TRAFD1: variants seen among roughly 807,000 people sequenced by gnomAD.
The protein encoded by TRAFD1 is TRAF-type zinc finger domain containing 1.
In TRAFD1, 38 loss-of-function variants were observed where a neutral mutation model predicts 65.3. The observed-to-expected ratio is 0.58, with a 90% CI of 0.45 to 0.76. The LOEUF (loss-of-function observed/expected upper bound fraction) is 0.76. Among genes scored for constraint, TRAFD1 ranks in the 30% least tolerant of loss-of-function variants. The pLI is 0.00. For missense variants in TRAFD1, 631 were observed against 712.6 expected (o/e 0.89, Z 1.30); for synonymous variants, 223 against 257.2 (o/e 0.87, Z 1.27).
chr12:112,143,578 A>G (rs1026222829), intron 6 of TRAFD1, among the ~76,000 whole-genome samples: 3 of 151,704 alleles, frequency 2.0e-5, no homozygotes, highest in Admixed American at 2.0e-4. Flanking sequence ...CTCCGTAGTT[A>G]TTTCTAATCT....
chr12:112,134,167 C>CT (rs2079581912), intron 2 of TRAFD1, among the ~76,000 whole-genome samples: 1 of 151,686 alleles, frequency 6.6e-6, no homozygotes, highest in African/African-American at 2.4e-5. Flanking sequence ...TGTGCCGCCA[C>CT]ACCTGGCTAA....
intron 1 of TRAFD1, among the ~76,000 whole-genome samples, chr12:112,129,543 T>C (rs1237449956): frequency 6.6e-6 from 1 of 152,136 alleles, no homozygotes; most frequent in African/African-American, 2.4e-5. Flanking sequence ...TAGTTACTAG[T>C]ATTGTATTAG....
chr12:112,147,989 G>T, intron 7 of TRAFD1, 85 bp from the exon 8 acceptor site: 2 of 1,285,590 alleles, frequency 1.6e-6, no homozygotes, highest in South Asian at 1.4e-5. Flanking sequence ...AAAATTATAT[G>T]ACTTCTTCTA....
rs186214220 is a variant in TRAFD1, at chr12:112,142,528, G to T, written c.850+233G>T. On this transcript the variant is annotated intron_variant, in intron 6 of 11. Transcript: ENST00000412615. ...CCTTCTGGGTTCAAGTGATTCTCGT[G>T]CCTCTGCCTCCCAAGTAGCTGGGAT... Among the ~76,000 whole-genome samples, 313 of 151,748 alleles carry T rather than the reference G, an allele frequency of 2.1e-3. 2 individuals carry two copies. Among genetic ancestry groups the T allele is most frequent in the African/African-American group, 7.2e-3 (299 of 41,402 alleles).
chr12:112,141,714 C>G (rs1193759957), intron 5 of TRAFD1, among the ~76,000 whole-genome samples: 2 of 152,210 alleles, frequency 1.3e-5, no homozygotes, highest in Admixed American at 1.3e-4. Flanking sequence ...ATTTAATTCT[C>G]TCATTATTTG....
chr12:112,151,919 G>A lies in TRAFD1; in HGVS notation c.1398G>A (p.Ser466=), dbSNP rs368352269. The A allele has an allele frequency of 3.1e-6, 5 of 1,614,136 alleles. No individual in the cohort carries two copies. The highest frequency in any genetic ancestry group is 4.2e-6 in the Non-Finnish European group (5 of 1,180,030). ...NNMTATYNQL[S]RSTSGPRPGC... is the part of the protein sequence containing the mutation. ...TGACAGCTACCTATAACCAGCTATC[G>A]AGATCAACATCAGGCCCCAGACCTG... Residue 466 remains serine (S), a synonymous_variant, in exon 10 of 12, where the codon TCG becomes TCA. Coordinates refer to ENST00000412615, the MANE Select transcript of TRAFD1 (RefSeq NM_006700.3).
chr12:112,150,010 T>C, intron 9 of TRAFD1, 139 bp downstream of exon 9: 1 of 1,233,934 alleles, frequency 8.1e-7, no homozygotes, highest in Non-Finnish European at 1.1e-6. Context: ...CATAGGGGAC[T>C]CCTCTGCAGG....
At chr12:112,131,304 A>G (rs2079565154) in intron 2 of TRAFD1, among the ~76,000 whole-genome samples, 1 of 152,216 alleles carries the variant, frequency 6.6e-6, no homozygotes, top group African/African-American at 2.4e-5. Flanking sequence ...GAAAAGAGAC[A>G]CATTGGTTTT....
At chr12:112,138,757 C>G (rs935950768) in intron 4 of TRAFD1, among the ~76,000 whole-genome samples, 3 of 150,618 alleles carry the variant, frequency 2.0e-5, no homozygotes, top group Non-Finnish European at 2.9e-5. Flanking sequence ...ACTTGGGAGG[C>G]TGAGGCAGGA....
chr12:112,146,060 C>T (rs2030233666), intron 7 of TRAFD1, among the ~76,000 whole-genome samples: 1 of 149,908 alleles, frequency 6.7e-6, no homozygotes, highest in African/African-American at 2.5e-5. Context: ...AGGAGATATA[C>T]CTAATGCTAA....
rs1701215966 is a variant in TRAFD1, at chr12:112,137,967, T to C, written c.238-2852T>C. The stretch of plus-strand genomic sequence containing the variant: ...CCCTTAAAGGTAATTCACAGCGGGC[T>C]ACAGTGACTCATGCCTGTATCCTAG... On this transcript the variant is annotated intron_variant, in intron 4 of 11. Coordinates refer to ENST00000412615, the MANE Select transcript of TRAFD1 (RefSeq NM_006700.3). The surrounding 1 kb of genome is among the most constrained non-coding windows in gnomAD (Gnocchi z 4.2). 6.6e-6 allele frequency among the ~76,000 whole-genome samples: 1 copy of C among 151,830 alleles called. No homozygotes were observed. The highest frequency in any genetic ancestry group is 2.4e-5 in the African/African-American group (1 of 41,328).
Position 112,152,560 on chromosome 12 carries a change from G to A in TRAFD1, c.1692+61G>A, listed in dbSNP as rs2030440105. On this transcript the variant is annotated intron_variant, in intron 11 of 11. Transcript: ENST00000412615. The surrounding 1 kb of genome is among the most constrained non-coding windows in gnomAD (Gnocchi z 5.0). ...GACTCAGACATGGTGGGGCTTGTGT[G>A]GCTCCTGAAGTTGTAGAAGTTGTTG... The A allele has an allele frequency of 3.1e-6, 5 of 1,605,422 alleles. No individual in the cohort carries two copies. The South Asian group carries it at 4.4e-5, about 14-fold the overall frequency.
At position 112,148,296 on chromosome 12, in the gene TRAFD1, C is replaced by T; in HGVS notation, c.1150C>T (p.His384Tyr). 1 of 1,614,032 alleles carries T rather than the reference C, an allele frequency of 6.2e-7. No individual in the cohort carries two copies. Among genetic ancestry groups the T allele is most frequent in the Non-Finnish European group, 8.5e-7 (1 of 1,179,950 alleles). The change falls in exon 8 of 12, where the codon CAT (histidine) becomes TAT (tyrosine). Residue 384 changes from histidine (H) to tyrosine (Y), a missense_variant. Physicochemically the swap from His to Tyr is moderately conservative, Grantham distance 83 (BLOSUM62 2). Transcript: ENST00000412615. Reference protein sequence around the residue: ...GVQLEEEVLFHHQDQCDQRPA... With the variant: ...GVQLEEEVLFYHQDQCDQRPA... ...ACAGCTGGAAGAGGAGGTGCTGTTC[C>T]ATCACCAGGTAAGGGTCCCTGGAGT...
rs188612267 is a variant in TRAFD1, at chr12:112,137,527, C to T, written c.237+2461C>T. ...CCTGTAATCCCAGCACTTTGGGAGGCTGAGGCGGGCGGATCACGAGGTCAG... is the reference window on the plus strand; with the variant it reads ...CCTGTAATCCCAGCACTTTGGGAGGTTGAGGCGGGCGGATCACGAGGTCAG... On this transcript the variant is annotated intron_variant, in intron 4 of 11. Transcript: ENST00000412615. The surrounding 1 kb of genome is among the most constrained non-coding windows in gnomAD (Gnocchi z 4.2). 2.6e-5 allele frequency among the ~76,000 whole-genome samples: 4 copies of T among 152,300 alleles called. No individual in the cohort carries two copies. Among genetic ancestry groups the T allele is most frequent in the African/African-American group, 7.2e-5 (3 of 41,574 alleles).
chr12:112,128,908 G>A (rs1037364290), intron 1 of TRAFD1, among the ~76,000 whole-genome samples: 2 of 151,706 alleles, frequency 1.3e-5, no homozygotes, highest in African/African-American at 4.8e-5. Flanking sequence ...GGGCATGGTG[G>A]TGCACACCTG....
At chr12:112,145,837 C>T (rs1379476058) in intron 7 of TRAFD1, among the ~76,000 whole-genome samples, 175 bp downstream of exon 7, 1 of 152,070 alleles carries the variant, frequency 6.6e-6, no homozygotes, top group Admixed American at 6.6e-5. Flanking sequence ...TAGCCTTGTT[C>T]CTTCTTAGAA....
At chr12:112,135,733 T>A (rs959204137) in intron 4 of TRAFD1, among the ~76,000 whole-genome samples, 1 of 151,822 alleles carries the variant, frequency 6.6e-6, no homozygotes, top group Non-Finnish European at 1.5e-5. Flanking sequence ...AACACCTGGA[T>A]AACATGCTAT....
chr12:112,143,984 C>T lies in TRAFD1; in HGVS notation c.851-1602C>T, dbSNP rs538926073. ...CTCAAGCAATCTGCCCCACCTCGGC[C>T]TCCCAAAGGATTGGGATTACAGGCA... On this transcript the variant is annotated intron_variant, in intron 6 of 11. Coordinates refer to ENST00000412615, the MANE Select transcript of TRAFD1 (RefSeq NM_006700.3). Among the ~76,000 whole-genome samples the T allele has an allele frequency of 1.3e-4, 20 of 152,184 alleles. No homozygotes were observed. The South Asian group carries it at 4.1e-3, about 32-fold the overall frequency.
chr12:112,134,695 T>C (rs2079586842), intron 2 of TRAFD1, 43 bp from the exon 3 acceptor site: 3 of 1,595,798 alleles, frequency 1.9e-6, no homozygotes, highest in Admixed American at 3.4e-5. Context: ...AAGGCATAGA[T>C]TAGTCAGTAA....
Sources: gnomAD v4.1 joint callset for allele counts (sites outside exome capture counted in the v4.1 genomes callset) on GRCh38, gnomAD v4.1.1 for gene constraint, Gnocchi (gnomAD v3.1) non-coding constraint, MANE v1.5 for transcripts, NCBI Gene and HGNC (gene_info 2026-07-23, HGNC 2026-07-21) for gene names.